DOCK10: variants seen among roughly 807,000 people sequenced by gnomAD.
The protein encoded by DOCK10 is dedicator of cytokinesis protein 10.
Under a neutral mutation model 280.1 loss-of-function variants are expected in DOCK10, and 145 were observed. The ratio of observed to expected loss-of-function variants is 0.52; its 90% CI spans 0.45 to 0.59. The LOEUF is 0.59. Ranked by LOEUF, DOCK10 falls within the 20% of genes least tolerant of loss-of-function variation. The pLI is 0.00. For missense variants in DOCK10, 2,368 were observed against 2,651.7 expected (o/e 0.89, Z 2.35); for synonymous variants, 915 against 942.2 (o/e 0.97, Z 0.53).
intron 50 of DOCK10, among the ~76,000 whole-genome samples, chr2:224,782,868 A>G (rs1157953615): frequency 6.6e-6 from 1 of 152,238 alleles, no homozygotes; most frequent in Admixed American, 6.5e-5. Context: ...TTTTACAGGG[A>G]CATAAAGCAC....
At chr2:224,984,940 C>A (rs1294445170) in intron 1 of DOCK10, among the ~76,000 whole-genome samples, 1 of 150,990 alleles carries the variant, frequency 6.6e-6, no homozygotes, top group Non-Finnish European at 1.5e-5. Context: ...CTCCCAGGTT[C>A]AAGTGATTCT....
intron 19 of DOCK10, among the ~76,000 whole-genome samples, chr2:224,847,436 T>C (rs1017206746): frequency 6.6e-6 from 1 of 152,168 alleles, no homozygotes; most frequent in Non-Finnish European, 1.5e-5. Flanking sequence ...CAGCTCAATC[T>C]CAGCAACTGA....
At chr2:224,828,772 G>A (rs185577139) in intron 27 of DOCK10, among the ~76,000 whole-genome samples, 3 of 152,286 alleles carry the variant, frequency 2.0e-5, no homozygotes, top group East Asian at 3.9e-4. Flanking sequence ...GAAGCCAAGA[G>A]GGACCGACTC....
intron 1 of DOCK10, among the ~76,000 whole-genome samples, chr2:224,981,089 A>C (rs1026202992): frequency 6.6e-6 from 1 of 152,254 alleles, no homozygotes; most frequent in African/African-American, 2.4e-5. Context: ...GAAAACAAAG[A>C]TTTCTTTGAC....
chr2:224,832,616 A>G (rs188086420), intron 26 of DOCK10, among the ~76,000 whole-genome samples: 30 of 152,322 alleles, frequency 2.0e-4, no homozygotes, highest in African/African-American at 6.3e-4. Context: ...TAGCACTCCA[A>G]TAGCATTCTA....
chr2:224,859,839 C>T (rs1697384852), intron 14 of DOCK10, among the ~76,000 whole-genome samples: 3 of 152,166 alleles, frequency 2.0e-5, no homozygotes, highest in Non-Finnish European at 4.4e-5. Flanking sequence ...GGGCAACAAC[C>T]GGCCTTCCTC....
intron 15 of DOCK10, among the ~76,000 whole-genome samples, chr2:224,856,297 T>TG (rs199639711): frequency 0.022 from 3,317 of 152,258 alleles, 120 homozygotes; most frequent in African/African-American, 0.075. Flanking sequence ...TGTAAGAGTT[T>TG]TTTTTTTATG....
chr2:224,872,925 T>C (rs369521540), intron 11 of DOCK10, among the ~76,000 whole-genome samples: 1 of 152,216 alleles, frequency 6.6e-6, no homozygotes, highest in Non-Finnish European at 1.5e-5. Flanking sequence ...AAGATTGATA[T>C]AGAATTATGA....
intron 1 of DOCK10, among the ~76,000 whole-genome samples, chr2:224,934,245 G>A (rs1427030125): frequency 6.6e-6 from 1 of 152,140 alleles, no homozygotes. Context: ...ATCAATTAAT[G>A]AATGATATTT....
intron 3 of DOCK10, among the ~76,000 whole-genome samples, chr2:224,913,972 C>T (rs373027489): frequency 2.6e-5 from 4 of 152,116 alleles, no homozygotes; most frequent in East Asian, 3.9e-4. Context: ...CTCCTGACCT[C>T]GTGATCCGCC....
At chr2:224,774,545 C>A (rs1690689822) in intron 52 of DOCK10, among the ~76,000 whole-genome samples, 1 of 152,176 alleles carries the variant, frequency 6.6e-6, no homozygotes, top group Non-Finnish European at 1.5e-5. Context: ...GGTTTAGAAT[C>A]TTTCCCCAAA....
chr2:224,979,747 G>C (rs879542758), intron 1 of DOCK10, among the ~76,000 whole-genome samples: 1 of 152,110 alleles, frequency 6.6e-6, no homozygotes, highest in African/African-American at 2.4e-5. Context: ...CCTATTGAAC[G>C]TCTTACCGTT....
At chr2:224,929,286 AT>A (rs1172345238) in intron 2 of DOCK10, among the ~76,000 whole-genome samples, 51 of 152,302 alleles carry the variant, frequency 3.3e-4, no homozygotes, top group African/African-American at 1.1e-3. Context: ...ACCCCAGGTG[AT>A]TTCTGTCTAA....
intron 1 of DOCK10, among the ~76,000 whole-genome samples, chr2:224,942,393 T>C (rs971369667): frequency 6.6e-6 from 1 of 152,246 alleles, no homozygotes; most frequent in Non-Finnish European, 1.5e-5. Context: ...TTCTTCAACC[T>C]GTCCATTTCC....
chr2:224,908,096 G>A (rs1344069959), intron 3 of DOCK10, among the ~76,000 whole-genome samples: 3 of 149,884 alleles, frequency 2.0e-5, no homozygotes, highest in Admixed American at 2.0e-4. Context: ...TAGGAACATC[G>A]TGCAGACCTA....
intron 1 of DOCK10, among the ~76,000 whole-genome samples, chr2:224,980,343 A>G (rs1380294113): frequency 6.6e-6 from 1 of 152,246 alleles, no homozygotes; most frequent in African/African-American, 2.4e-5. Flanking sequence ...CATCTTGGAA[A>G]ACAGAAAATA....
chr2:224,832,069 T>G (rs948463744), intron 26 of DOCK10, among the ~76,000 whole-genome samples: 14 of 152,170 alleles, frequency 9.2e-5, no homozygotes, highest in Non-Finnish European at 1.6e-4. Flanking sequence ...CTACAAAAAG[T>G]CATATTGTAT....
chr2:224,986,097 C>A (rs1705967169), intron 1 of DOCK10, among the ~76,000 whole-genome samples: 1 of 152,156 alleles, frequency 6.6e-6, no homozygotes, highest in South Asian at 2.1e-4. Context: ...CCCAAAAGAC[C>A]TGGTGCATCT....
In DOCK10 at chr2:224,873,834, T is replaced by C. The variant is rs573364675; in HGVS notation, c.1257+162A>G. 3.3e-5 allele frequency among the ~76,000 whole-genome samples: 5 copies of C among 152,282 alleles called. No homozygotes were observed. In the East Asian group the frequency reaches 9.6e-4, roughly 29 times the overall value. Reference sequence around the variant, plus strand: ...ATTATAAAGTGTTCCACTTTAGAACTTGTACACTTGTGTAATGTGGGAAAA... The same window carrying C: ...ATTATAAAGTGTTCCACTTTAGAACCTGTACACTTGTGTAATGTGGGAAAA... On this transcript the variant is annotated intron_variant, in intron 11 of 55. Transcript: ENST00000258390.
Sources: allele counts gnomAD v4.1 joint callset (sites outside exome capture counted in the v4.1 genomes callset), GRCh38; gene constraint gnomAD v4.1.1; transcripts MANE v1.5; gene names NCBI Gene and HGNC (gene_info 2026-07-23, HGNC 2026-07-21).